DNHD1: variants seen among roughly 807,000 people sequenced by gnomAD.
DNHD1 encodes the protein dynein heavy chain domain-containing protein 1.
A neutral mutation model predicts 458.1 loss-of-function variants in DNHD1; 383 were observed. The observed-to-expected ratio is 0.84, with a 90% CI of 0.77 to 0.91. DNHD1 has a LOEUF of 0.91. Among genes scored for constraint, DNHD1 ranks in the 40% least tolerant of loss-of-function variants. The probability of loss-of-function intolerance (pLI) is 0.00; values close to 1 mark genes in which losing one functional copy is unlikely to be tolerated. For missense variants in DNHD1, 5,336 were observed against 5,866.1 expected, an observed-to-expected ratio of 0.91 and a Z score of 2.95; for synonymous variants, 2,203 against 2,376.9, an observed-to-expected ratio of 0.93 and a Z score of 2.13.
intron 24 of DNHD1, among the ~76,000 whole-genome samples, chr11:6,552,666 G>A (rs1261623565): frequency 1.3e-5 from 2 of 151,958 alleles, no homozygotes; most frequent in African/African-American, 2.4e-5. Flanking sequence ...GCGGGGTGGG[G>A]TGAAGAGATG....
rs1184459949 is a variant in DNHD1, at chr11:6,529,051, T to C, written c.2277T>C (p.Ser759=). The change falls in exon 12 of 43, where the codon AGT becomes AGC. Residue 759 remains serine (S), a synonymous_variant. Coordinates refer to ENST00000254579, the MANE Select transcript of DNHD1 (RefSeq NM_144666.3). ...RLNVWQARVS[S]MPIELLTKGG... ...ATGTTTGGCAGGCCCGTGTCTCCAG[T>C]ATGCCTATCGAGTTGCTCACAAAAG... 6.4e-7 allele frequency: 1 copy of C among 1,550,984 alleles called. No homozygotes were observed. The highest frequency in any genetic ancestry group is 1.4e-5 in the African/African-American group (1 of 73,158).
chr11:6,520,057 G>A lies in DNHD1; in HGVS notation c.1740G>A (p.Gln580=), dbSNP rs781456460. The change falls in exon 9 of 43, where the codon CAG becomes CAA. Residue 580 remains glutamine (Q), a synonymous_variant. Coordinates refer to ENST00000254579, the MANE Select transcript of DNHD1 (RefSeq NM_144666.3). ...TGCCCTGTGTTGAAAATATGATCCA[G>A]ACTCTAACTGGAGGCCTACAGTCTG... ...SHVPCVENMI[Q]TLTGGLQSVK... 1 of 1,614,142 alleles carries A rather than the reference G, an allele frequency of 6.2e-7. No individual in the cohort carries two copies. Among genetic ancestry groups the A allele is most frequent in the Admixed American group, 1.7e-5 (1 of 60,010 alleles).
At position 6,559,192 on chromosome 11, in the gene DNHD1, C is replaced by T; in HGVS notation, c.9428C>T (p.Ala3143Val). 6.4e-7 allele frequency: 1 copy of T among 1,551,690 alleles called. No individual in the cohort carries two copies. The highest frequency in any genetic ancestry group is 8.7e-7 in the Non-Finnish European group (1 of 1,146,974). ...IKNKAQRVQN[A>V]LENLRMLIKE... is the part of the protein sequence containing the mutation. The stretch of plus-strand genomic sequence containing the variant: ...CATTGTATCTCCAGGGTCCAGAATG[C>T]CTTGGAGAATCTGAGAATGCTGATT... Residue 3143 changes from alanine (A) to valine (V), a missense_variant, in exon 28 of 43, where the codon GCC becomes GTC. Coordinates refer to ENST00000254579, the MANE Select transcript of DNHD1 (RefSeq NM_144666.3).
intron 24 of DNHD1, 57 bp from the exon 25 acceptor site, chr11:6,556,626 T>G: frequency 6.9e-7 from 1 of 1,458,030 alleles, no homozygotes; most frequent in Non-Finnish European, 9.2e-7. Flanking sequence ...AGGGAACAGG[T>G]TGATACTCTC....
In DNHD1 at chr11:6,539,449, A is replaced by T. The variant is rs140578027; in HGVS notation, c.3420+136A>T. On this transcript the variant is annotated intron_variant, in intron 17 of 42. Transcript: ENST00000254579. ...GCTAACCTGCCTGAAGGGCAGGAAC[A>T]GTTTCTTTAAGTCTCCAGATGGGGA... The T allele has an allele frequency of 9.5e-5, 63 of 661,104 alleles. No individual in the cohort carries two copies. In the African/African-American group the frequency reaches 1.1e-3, roughly 11 times the overall value. 41.0% of individuals were successfully genotyped at this position (661,104 alleles called of 1,614,324 possible).
Position 6,534,102 on chromosome 11 carries a change from C to T in DNHD1, c.2927C>T (p.Ser976Phe). The change falls in exon 14 of 43, where the codon TCC becomes TTC. Residue 976 changes from serine (S) to phenylalanine (F), a missense_variant. Transcript: ENST00000254579. ...AGGAGTACTGAGCACCAGCTCGTCT[C>T]CCTAGAGCGTCAGTTCCAGAACACA... ...DQRSTEHQLV[S>F]LERQFQNTVS... is the part of the protein sequence containing the mutation. 1 of 1,551,474 alleles carries T rather than the reference C, an allele frequency of 6.4e-7. No homozygotes were observed. The highest frequency in any genetic ancestry group is 8.7e-7 in the Non-Finnish European group (1 of 1,146,944).
chr11:6,561,921 A>T (rs1015903615), intron 28 of DNHD1, among the ~76,000 whole-genome samples: 2 of 152,162 alleles, frequency 1.3e-5, no homozygotes, highest in Non-Finnish European at 2.9e-5. Context: ...AATGATGAGT[A>T]GGGGCCTGGT....
At position 6,545,650 on chromosome 11, in the gene DNHD1, C is replaced by T. The variant is rs1453672154; in HGVS notation, c.4711C>T (p.Leu1571Phe). ...GCCTTCTGTCCGCCAGACCAGCCTT[C>T]TCAGTGCCCTGCTGGTCATGGCAGT... The part of the protein sequence containing the change: ...SLPSVRQTSL[L>F]SALLVMAVTH... Residue 1571 changes from leucine (L) to phenylalanine (F), a missense_variant, in exon 21 of 43, where the codon CTC becomes TTC. Physicochemically the swap from Leu to Phe is conservative, Grantham distance 22 (BLOSUM62 0). This residue lies in a region of DNHD1 where 3,932 missense variants were observed against 4,365.6 expected (regional missense o/e 0.90). Coordinates refer to ENST00000254579, the MANE Select transcript of DNHD1 (RefSeq NM_144666.3). This position sits in a 1 kb window ranked among gnomAD's most constrained non-coding sequence, Gnocchi z 4.9. 3 of 1,551,814 alleles carry T rather than the reference C, an allele frequency of 1.9e-6. No individual in the cohort carries two copies. The East Asian group carries it at 7.3e-5, about 38-fold the overall frequency.
In DNHD1 at chr11:6,566,286, A is replaced by C; in HGVS notation, c.11099A>C (p.Glu3700Ala). 6.4e-7 allele frequency: 1 copy of C among 1,551,794 alleles called. No individual in the cohort carries two copies. The highest frequency in any genetic ancestry group is 1.2e-5 in the South Asian group (1 of 84,062). ...LTNVELGLGC[E>A]ELQWLLQREQ... ...AATGTGGAGCTGGGTCTAGGGTGCG[A>C]AGAACTGCAATGGCTGCTGCAACGG... Residue 3700 changes from glutamate to alanine, a missense_variant, in exon 34 of 43, where the codon GAA (glutamate) becomes GCA (alanine). By Grantham distance (107) the Glu-to-Ala change is moderately radical. Transcript: ENST00000254579.
In DNHD1 at chr11:6,567,410, A is replaced by G; in HGVS notation, c.11901A>G (p.Thr3967=). The G allele has an allele frequency of 1.2e-6, 2 of 1,613,590 alleles. No individual in the cohort carries two copies. The highest frequency in any genetic ancestry group is 2.2e-5 in the South Asian group (2 of 91,034). The part of the protein sequence containing the change: ...LWPGLAASPS[T]VHSKPVSDVA... ...CTGGACTAGCAGCCTCTCCCAGCAC[A>G]GTCCACAGCAAGCCAGTCTCAGATG... Residue 3967 remains threonine (T), a synonymous_variant, in exon 36 of 43, where the codon ACA becomes ACG. Coordinates refer to ENST00000254579, the MANE Select transcript of DNHD1 (RefSeq NM_144666.3).
Position 6,546,776 on chromosome 11 carries a change from C to T in DNHD1, c.5837C>T (p.Pro1946Leu), listed in dbSNP as rs760849732. 1.3e-6 allele frequency: 2 copies of T among 1,551,818 alleles called. No homozygotes were observed. The highest frequency in any genetic ancestry group is 1.7e-6 in the Non-Finnish European group (2 of 1,147,006). ...AGCGCCAGCCAAGTGCTGGCAGAAC[C>T]TATGACTTACAAGCTGATGAAGCCA... is the stretch of plus-strand genomic sequence containing the variant. ...FPSASQVLAE[P>L]MTYKLMKPLV... The change falls in exon 21 of 43, where the codon CCT becomes CTT. Residue 1946 changes from proline (P) to leucine (L), a missense_variant. Physicochemically the swap from Pro to Leu is moderately conservative, Grantham distance 98. Transcript: ENST00000254579.
At chr11:6,535,379 T>C (rs1852923833) in intron 14 of DNHD1, among the ~76,000 whole-genome samples, 1 of 152,168 alleles carries the variant, frequency 6.6e-6, no homozygotes, top group Middle Eastern at 3.4e-3. Flanking sequence ...AGAAGCCACA[T>C]TGTGCTCAGG....
At chr11:6,566,170 C>T (rs1326384223) in intron 33 of DNHD1, 71 bp from the exon 34 acceptor site, 8 of 1,527,460 alleles carry the variant, frequency 5.2e-6, no homozygotes, top group Middle Eastern at 1.9e-4. Context: ...CAGAGCCAGA[C>T]CTCGTGCCTG....
chr11:6,547,742 C>A (rs141898416), intron 21 of DNHD1, 76 bp downstream of exon 21: 7 of 1,475,892 alleles, frequency 4.7e-6, no homozygotes, highest in Non-Finnish European at 6.4e-6. Flanking sequence ...GAGCCTGGGG[C>A]GTGTGTTCTT....
chr11:6,560,965 C>G (rs887923903), intron 28 of DNHD1, among the ~76,000 whole-genome samples: 63 of 152,214 alleles, frequency 4.1e-4, no homozygotes, highest in African/African-American at 1.4e-3. Context: ...AATCCTTGCC[C>G]ACACCTTTCT....
intron 12 of DNHD1, among the ~76,000 whole-genome samples, chr11:6,530,877 C>T (rs10839576): frequency 0.49 from 75,142 of 152,050 alleles, 19,043 homozygotes; most frequent in East Asian, 0.83. Context: ...TGTTAGCTTC[C>T]TGATCCTCAA....
intron 14 of DNHD1, 146 bp from the exon 15 acceptor site, chr11:6,538,237 A>G (rs775664664): frequency 1.8e-5 from 12 of 660,754 alleles, no homozygotes; most frequent in Non-Finnish European, 2.9e-5. Context: ...TGTTGAGCCA[A>G]ACAATTTGGA....
Position 6,544,902 on chromosome 11 carries a change from C to A in DNHD1, c.3963C>A (p.Tyr1321Ter). The change falls in exon 21 of 43, where the codon TAC becomes TAA. Residue 1321 changes from tyrosine to a stop codon, truncating the protein, a stop_gained. Coordinates refer to ENST00000254579, the MANE Select transcript of DNHD1 (RefSeq NM_144666.3). LOFTEE classifies it high-confidence loss of function. ...LVVPSAERSP[Y>*]FQGQQLQQLL... ...TGCCCAGTGCCGAGAGGAGCCCTTA[C>A]TTCCAAGGCCAGCAGCTGCAACAAC... 6.4e-7 allele frequency: 1 copy of A among 1,551,702 alleles called. No individual in the cohort carries two copies. Among genetic ancestry groups the A allele is most frequent in the Non-Finnish European group, 8.7e-7 (1 of 1,146,980 alleles).
At chr11:6,510,980 T>G (rs1452222554) in intron 6 of DNHD1, among the ~76,000 whole-genome samples, 1 of 152,164 alleles carries the variant, frequency 6.6e-6, no homozygotes, top group Non-Finnish European at 1.5e-5. Flanking sequence ...TCCTTCTAAG[T>G]CAGACCTTGG....
Sources: allele counts gnomAD v4.1 joint callset (sites outside exome capture counted in the v4.1 genomes callset), GRCh38; gene constraint gnomAD v4.1.1; regional missense constraint gnomAD v4.1.1; non-coding constraint Gnocchi (gnomAD v3.1); transcripts MANE v1.5; gene names NCBI Gene and HGNC (gene_info 2026-07-23, HGNC 2026-07-21).